The following TRAK1 variants were observed in gnomAD, a reference collection of about 807,000 sequenced individuals.
TRAK1 encodes the protein trafficking kinesin-binding protein 1.
A neutral mutation model predicts 92.1 loss-of-function variants in TRAK1; 33 were observed. The ratio of observed to expected loss-of-function variants is 0.36; its 90% CI spans 0.27 to 0.48. TRAK1 has a LOEUF of 0.48. TRAK1 is among the 20% of genes least tolerant of loss of function. The pLI, the probability that TRAK1 is intolerant of heterozygous loss-of-function variation, is 0.99. For missense variants in TRAK1, 1,123 were observed against 1,257.9 expected (o/e 0.89, Z 1.62); for synonymous variants, 521 against 517.3 (o/e 1.01, Z -0.10).
chr3:42,054,513 TTATATA>T (rs1424258360), intron 1 of TRAK1, among the ~76,000 whole-genome samples: 2 of 152,176 alleles, frequency 1.3e-5, no homozygotes, highest in Non-Finnish European at 2.9e-5. Flanking sequence ...AGCAAATCAG[TTATATA>T]GCCAGACCAA....
intron 1 of TRAK1, among the ~76,000 whole-genome samples, chr3:42,095,080 C>T (rs1705706913): frequency 6.6e-6 from 1 of 152,236 alleles, no homozygotes; most frequent in African/African-American, 2.4e-5. Flanking sequence ...CATTCAGAAT[C>T]ATTCTTGACC....
intron 1 of TRAK1, among the ~76,000 whole-genome samples, chr3:42,025,062 A>G (rs1158368153): frequency 2.0e-5 from 3 of 152,206 alleles, no homozygotes; most frequent in East Asian, 3.9e-4. Context: ...GCATACCGTG[A>G]TGGGAATTAG....
At chr3:42,217,312 G>A in intron 14 of TRAK1, 3 of 985,258 alleles carry the variant, frequency 3.0e-6, no homozygotes, top group Non-Finnish European at 3.6e-6. Flanking sequence ...CAGGCGTCCT[G>A]GTGGTATTTT....
At chr3:42,214,632 G>A (rs1202378048) in intron 14 of TRAK1, among the ~76,000 whole-genome samples, 2 of 152,190 alleles carry the variant, frequency 1.3e-5, no homozygotes, top group African/African-American at 2.4e-5. Flanking sequence ...AGGCAACTTG[G>A]TGTAGTGGGA....
intron 3 of TRAK1, among the ~76,000 whole-genome samples, chr3:42,178,243 T>TCTCTACTTTC: frequency 6.6e-6 from 1 of 152,184 alleles, no homozygotes; most frequent in East Asian, 1.9e-4. Context: ...TTGTAGCTTC[T>TCTCTACTTTC]CTCTGCTTTA....
chr3:42,037,554 A>G (rs1038323545), intron 1 of TRAK1, among the ~76,000 whole-genome samples: 2 of 152,220 alleles, frequency 1.3e-5, no homozygotes, highest in African/African-American at 4.8e-5. Flanking sequence ...CATTAATGCA[A>G]TTTCACAAAC....
At chr3:42,163,651 A>T (rs2149313147) in intron 2 of TRAK1, among the ~76,000 whole-genome samples, 1 of 152,192 alleles carries the variant, frequency 6.6e-6, no homozygotes, top group South Asian at 2.1e-4. Flanking sequence ...GGACCAAGCA[A>T]GCTGGGTTTT....
intron 2 of TRAK1, among the ~76,000 whole-genome samples, chr3:42,130,708 A>C (rs1697079108): frequency 6.6e-6 from 1 of 152,032 alleles, no homozygotes; most frequent in Non-Finnish European, 1.5e-5. Context: ...CTTATGTGGG[A>C]GGAGGGAGGG....
At chr3:42,193,451 A>T (rs1348272969) in intron 8 of TRAK1, among the ~76,000 whole-genome samples, 3 of 152,164 alleles carry the variant, frequency 2.0e-5, no homozygotes, top group Non-Finnish European at 4.4e-5. Flanking sequence ...GTAAATATGG[A>T]CTTTTGCAGT....
intron 12 of TRAK1, among the ~76,000 whole-genome samples, chr3:42,201,878 A>AGACG (rs1185722749): frequency 1.0e-5 from 1 of 95,932 alleles, no homozygotes; most frequent in South Asian, 3.2e-4. Flanking sequence ...ACGGACGGAC[A>AGACG]GACGGACACA....
At chr3:42,093,327 G>A (rs573897004) in intron 1 of TRAK1, among the ~76,000 whole-genome samples, 1 of 151,810 alleles carries the variant, frequency 6.6e-6, no homozygotes, top group Non-Finnish European at 1.5e-5. Flanking sequence ...TTTGATCTTT[G>A]CAAAACCACA....
At chr3:42,081,889 A>G (rs1704454281) in intron 1 of TRAK1, among the ~76,000 whole-genome samples, 1 of 152,234 alleles carries the variant, frequency 6.6e-6, no homozygotes, top group Non-Finnish European at 1.5e-5. Context: ...TTTTTCTACG[A>G]ATAGAAATTT....
In TRAK1 at chr3:42,199,210, C is replaced by T; in HGVS notation, c.1147C>T (p.Arg383Cys). The T allele has an allele frequency of 1.2e-6, 2 of 1,613,800 alleles. No individual in the cohort carries two copies. The highest frequency in any genetic ancestry group is 1.7e-6 in the Non-Finnish European group (2 of 1,180,028). The change falls in exon 11 of 16, where the codon CGC becomes TGC. Residue 383 changes from arginine (R) to cysteine (C), a missense_variant. Coordinates refer to ENST00000327628, the MANE Select transcript of TRAK1 (RefSeq NM_001042646.3). ...SLAAEIEGTM[R>C]KELQLEEAES... The stretch of plus-strand genomic sequence containing the variant: ...GGCAGCAGAGATTGAGGGAACGATG[C>T]GCAAGGAGCTGCAGTTGGAAGAGGC...
intron 13 of TRAK1, chr3:42,203,620 A>G (rs1021970329): frequency 2.0e-6 from 2 of 984,656 alleles, no homozygotes; most frequent in African/African-American, 1.8e-5. Context: ...TTGGAAAGCC[A>G]TATACGTTTG....
chr3:42,076,243 G>A (rs1029775315), intron 1 of TRAK1, among the ~76,000 whole-genome samples: 1 of 22,264 alleles, frequency 4.5e-5, no homozygotes, highest in African/African-American at 1.5e-4. Flanking sequence ...TTTTTTTTTT[G>A]AGATGGAGTT....
chr3:42,167,817 T>C (rs1702059669), intron 2 of TRAK1, among the ~76,000 whole-genome samples: 1 of 152,170 alleles, frequency 6.6e-6, no homozygotes, highest in African/African-American at 2.4e-5. Context: ...GAGGCAGAGC[T>C]TGCAGTGAGC....
chr3:42,198,877 TTA>T (rs1260878146), intron 10 of TRAK1, among the ~76,000 whole-genome samples: 2 of 152,128 alleles, frequency 1.3e-5, no homozygotes, highest in Non-Finnish European at 2.9e-5. Context: ...GTAGCCATGG[TTA>T]CAGCTCCATG....
intron 2 of TRAK1, among the ~76,000 whole-genome samples, chr3:42,134,212 T>TTCCCCTTCC (rs1559813445): frequency 3.6e-5 from 1 of 27,718 alleles, no homozygotes; most frequent in Non-Finnish European, 6.1e-5. Context: ...CCTTCCCCCC[T>TTCCCCTTCC]CCCCTCCTCT....
rs185222417 is a variant in TRAK1, at chr3:42,109,708, C to T, written c.92-15712C>T. ...CAAAGACTTGGAACCAACCCAAATG[C>T]CCATCAATGATAGACTGGATTAAGA... On this transcript the variant is annotated intron_variant, in intron 1 of 15. Coordinates refer to ENST00000327628, the MANE Select transcript of TRAK1 (RefSeq NM_001042646.3). 8.5e-5 allele frequency among the ~76,000 whole-genome samples: 13 copies of T among 152,170 alleles called. No homozygotes were observed. The East Asian group carries it at 1.5e-3, about 18-fold the overall frequency.
Sources: allele counts gnomAD v4.1 joint callset (sites outside exome capture counted in the v4.1 genomes callset), GRCh38; gene constraint gnomAD v4.1.1; transcripts MANE v1.5; gene names NCBI Gene and HGNC (gene_info 2026-07-23, HGNC 2026-07-21).